Variants in APP observed in about 807,000 individuals in gnomAD.
APP encodes the protein amyloid-beta precursor protein.
A neutral mutation model predicts 101.4 loss-of-function variants in APP; 31 were observed. The observed-to-expected ratio is 0.31, with a 90% confidence interval of 0.23 to 0.41. The LOEUF is 0.41. Among genes scored for constraint, APP ranks in the 10% least tolerant of loss-of-function variants. The pLI, the probability that APP is intolerant of heterozygous loss-of-function variation, is 1.00. For missense variants in APP, 839 were observed against 1,003.7 expected (o/e 0.84, Z 2.22); for synonymous variants, 366 against 364.4 (o/e 1.00, Z -0.05).
chr21:25,918,421 C>T (rs564489056), intron 13 of APP, among the ~76,000 whole-genome samples: 186 of 152,144 alleles, frequency 1.2e-3, no homozygotes, highest in Non-Finnish European at 1.5e-3. Context: ...CAGCTCCCAG[C>T]GTGAGCGACG....
intron 13 of APP, among the ~76,000 whole-genome samples, chr21:25,929,590 G>A (rs1352841039): frequency 6.6e-6 from 1 of 151,954 alleles, no homozygotes; most frequent in Non-Finnish European, 1.5e-5. Flanking sequence ...CCTTTTTCTG[G>A]GTACAGTTTG....
chr21:25,881,723 G>C lies in APP; in HGVS notation c.2260C>G (p.Gln754Glu), dbSNP rs1333743960. 6.2e-7 allele frequency: 1 copy of C among 1,613,882 alleles called. No homozygotes were observed. The highest frequency in any genetic ancestry group is 8.5e-7 in the Non-Finnish European group (1 of 1,180,038). Residue 754 changes from glutamine (Q) to glutamate (E), a missense_variant, in exon 18 of 18, where the codon CAG (glutamine) becomes GAG (glutamate). Physicochemically the swap from Gln to Glu is conservative, Grantham distance 29. Coordinates refer to ENST00000346798, the MANE Select transcript of APP (RefSeq NM_000484.4). ...TAGGTTGGATTTTCGTAGCCGTTCT[G>C]CTGCATCTTGGACAGGTGGCGCTCC... The part of the protein sequence containing the change: ...PEERHLSKMQ[Q>E]NGYENPTYKF...
At chr21:25,926,417 A>C (rs1423337096) in intron 13 of APP, among the ~76,000 whole-genome samples, 3 of 152,228 alleles carry the variant, frequency 2.0e-5, no homozygotes, top group Non-Finnish European at 4.4e-5. Context: ...CATATATGCT[A>C]CAGCCATCTG....
At chr21:25,973,586 G>A (rs1281289780) in intron 11 of APP, among the ~76,000 whole-genome samples, 1 of 152,072 alleles carries the variant, frequency 6.6e-6, no homozygotes, top group Non-Finnish European at 1.5e-5. Context: ...GCACTGTTTA[G>A]AAAAATGGCC....
intron 1 of APP, among the ~76,000 whole-genome samples, chr21:26,116,787 C>T (rs1289825064): frequency 2.0e-5 from 3 of 152,294 alleles, no homozygotes; most frequent in Middle Eastern, 6.8e-3. Flanking sequence ...GCATTTGAAC[C>T]ACCCGCTGAC....
chr21:26,111,572 C>T (rs1568988432), intron 2 of APP, among the ~76,000 whole-genome samples: 1 of 151,090 alleles, frequency 6.6e-6, no homozygotes, highest in South Asian at 2.1e-4. Flanking sequence ...CCCATCTCTA[C>T]TAAAAATTAA....
At chr21:26,031,171 G>A (rs1481075824) in intron 5 of APP, among the ~76,000 whole-genome samples, 1 of 152,178 alleles carries the variant, frequency 6.6e-6, no homozygotes, top group East Asian at 1.9e-4. Context: ...CAAGAACTAT[G>A]TGCCTGGCAT....
chr21:26,124,238 T>G (rs1457753271), intron 1 of APP, among the ~76,000 whole-genome samples: 3 of 152,200 alleles, frequency 2.0e-5, no homozygotes, highest in Admixed American at 6.5e-5. Context: ...GTGAAATTTT[T>G]TATTGTGGCA....
intron 14 of APP, among the ~76,000 whole-genome samples, chr21:25,907,677 T>C (rs183613981): frequency 5.6e-4 from 85 of 152,344 alleles, no homozygotes; most frequent in Middle Eastern, 3.4e-3. Flanking sequence ...TCTGGGATTT[T>C]TGAGTCTGTT....
At chr21:26,137,397 C>A (rs45610434) in intron 1 of APP, among the ~76,000 whole-genome samples, 1 of 125,802 alleles carries the variant, frequency 7.9e-6, no homozygotes, top group East Asian at 2.3e-4. Context: ...GGTTACTGCC[C>A]TTTTTTTAAA....
At chr21:25,991,477 A>C (rs998441335) in intron 8 of APP, among the ~76,000 whole-genome samples, 14 of 152,208 alleles carry the variant, frequency 9.2e-5, no homozygotes, top group African/African-American at 3.4e-4. Flanking sequence ...TCCCGGGTTC[A>C]AGTGATTCTC....
chr21:26,171,088 A>C (rs888145466), upstream of APP: 3 of 153,866 alleles, frequency 1.9e-5, no homozygotes, highest in African/African-American at 7.2e-5. Flanking sequence ...AGAAAAGTCG[A>C]GAGCGCTCCT....
At chr21:25,895,190 TGA>T (rs1396870432) in intron 16 of APP, among the ~76,000 whole-genome samples, 5 of 137,870 alleles carry the variant, frequency 3.6e-5, no homozygotes, top group Admixed American at 1.5e-4. Flanking sequence ...TTTTTTTTTT[TGA>T]GACAGAGTCT....
chr21:26,045,339 A>T (rs543991573), intron 5 of APP, among the ~76,000 whole-genome samples: 27 of 152,326 alleles, frequency 1.8e-4, no homozygotes, highest in Non-Finnish European at 3.4e-4. Context: ...ATGTAGAACC[A>T]GTATTTGTAA....
At position 26,029,565 on chromosome 21, in the gene APP, C is replaced by G. The variant is rs559511005; in HGVS notation, c.663-7523G>C. 1.1e-4 allele frequency among the ~76,000 whole-genome samples: 17 copies of G among 152,120 alleles called. No individual in the cohort carries two copies. In the South Asian group the frequency reaches 3.3e-3, roughly 30 times the overall value. On this transcript the variant is annotated intron_variant, in intron 5 of 17. Transcript: ENST00000346798. The stretch of plus-strand genomic sequence containing the variant: ...TGAAGTCCAGGGGCCAAAGATAGCT[C>G]TCCACTAGGCAGGGTGGGTAGAGCA...
intron 13 of APP, among the ~76,000 whole-genome samples, chr21:25,917,315 T>TAAC (rs1372510974): frequency 6.9e-6 from 1 of 144,320 alleles, no homozygotes; most frequent in Non-Finnish European, 1.5e-5. Context: ...ATACTTAGAG[T>TAAC]AACAGAGGGA....
chr21:25,913,869 T>G (rs959599000), intron 13 of APP, among the ~76,000 whole-genome samples: 3 of 152,222 alleles, frequency 2.0e-5, no homozygotes, highest in Non-Finnish European at 4.4e-5. Flanking sequence ...TTCTCCCCTT[T>G]GGAAATCCCA....
intron 2 of APP, among the ~76,000 whole-genome samples, chr21:26,102,371 G>A (rs1341724274): frequency 1.3e-5 from 2 of 152,068 alleles, no homozygotes; most frequent in Non-Finnish European, 2.9e-5. Flanking sequence ...TTACAGGCGT[G>A]AGCCACTGCG....
chr21:26,008,350 T>A (rs2043630194), intron 6 of APP, among the ~76,000 whole-genome samples: 1 of 152,178 alleles, frequency 6.6e-6, no homozygotes, highest in African/African-American at 2.4e-5. Flanking sequence ...CTGTTTGTTA[T>A]GGGAATAAAC....
Sources: gnomAD v4.1 joint callset for allele counts (sites outside exome capture counted in the v4.1 genomes callset) on GRCh38, gnomAD v4.1.1 for gene constraint, MANE v1.5 for transcripts, NCBI Gene and HGNC (gene_info 2026-07-23, HGNC 2026-07-21) for gene names.